Variants in PROSER2 observed in about 807,000 individuals in gnomAD.
PROSER2 encodes proline and serine rich 2.
A neutral mutation model predicts 14.6 loss-of-function variants in PROSER2; 18 were observed. The ratio of observed to expected loss-of-function variants is 1.23; its 90% CI spans 0.85 to 1.83. PROSER2 has a LOEUF of 1.83. PROSER2 is among the 40% of genes most tolerant of loss of function. The probability of loss-of-function intolerance (pLI) is 0.00; values close to 1 mark genes in which losing one functional copy is unlikely to be tolerated. For synonymous variants in PROSER2, 367 were observed against 286.4 expected (o/e 1.28, Z -2.84); for missense variants, 823 against 629.8 (o/e 1.31, Z -3.28).
intron 1 of PROSER2, among the ~76,000 whole-genome samples, chr10:11,840,011 G>A (rs1381109539): frequency 1.3e-5 from 2 of 150,424 alleles, no homozygotes; most frequent in Admixed American, 1.3e-4. Context: ...GAGTGCAGTG[G>A]CCATGATCTC....
chr10:11,852,084 G>A lies in PROSER2; in HGVS notation c.7G>A (p.Val3Ile), dbSNP rs773633360. The change falls in exon 2 of 4, where the codon GTA (valine) becomes ATA (isoleucine). Residue 3 changes from valine to isoleucine, a missense_variant. Physicochemically the swap from Val to Ile is conservative, Grantham distance 29. Coordinates refer to ENST00000277570, the MANE Select transcript of PROSER2 (RefSeq NM_153256.4). MP[V>I]THRKSDASDM... ...CCCTGAGGACTCTGTGGAGATGCCT[G>A]TAACCCACCGGAAATCAGACGCATC... The A allele has an allele frequency of 1.2e-6, 2 of 1,611,186 alleles. No homozygotes were observed. The highest frequency in any genetic ancestry group is 1.7e-6 in the Non-Finnish European group (2 of 1,178,630).
At chr10:11,834,763 C>T (rs1174373145) in intron 1 of PROSER2, among the ~76,000 whole-genome samples, 1 of 151,830 alleles carries the variant, frequency 6.6e-6, no homozygotes, top group Non-Finnish European at 1.5e-5. Flanking sequence ...AACTCGGCCA[C>T]CTTGCCTGGC....
chr10:11,870,051 G>A lies in PROSER2; in HGVS notation c.953G>A (p.Arg318His). The A allele has an allele frequency of 8.1e-7, 1 of 1,236,908 alleles. No homozygotes were observed. The highest frequency in any genetic ancestry group is 1.0e-6 in the Non-Finnish European group (1 of 990,692). The allele number at this position is 1,236,908 out of a possible 1,614,324, so 76.6% of individuals were successfully genotyped here. Reference protein sequence around the residue: ...GGGSSPERVARGRGLPGPAES... With the variant: ...GGGSSPERVAHGRGLPGPAES... ...GGCTCCTCCCCGGAGCGGGTGGCGC[G>A]TGGCCGGGGCCTGCCGGGCCCCGCT... The change falls in exon 4 of 4, where the codon CGT becomes CAT. Residue 318 changes from arginine (R) to histidine (H), a missense_variant. Coordinates refer to ENST00000277570, the MANE Select transcript of PROSER2 (RefSeq NM_153256.4).
Position 11,862,158 on chromosome 10 carries a change from T to A in PROSER2, c.139-4373T>A, listed in dbSNP as rs946407419. On this transcript the variant is annotated intron_variant, in intron 2 of 3. Transcript: ENST00000277570. This position sits in a 1 kb window ranked among gnomAD's most constrained non-coding sequence, Gnocchi z 4.2. ...CCACACATCTAAATAAATGAAGCCATGAGCCATATTCATGGGTCAAGAAAA... is the reference window on the plus strand; with the variant it reads ...CCACACATCTAAATAAATGAAGCCAAGAGCCATATTCATGGGTCAAGAAAA... 4.6e-5 allele frequency among the ~76,000 whole-genome samples: 7 copies of A among 152,190 alleles called. No individual in the cohort carries two copies. Among genetic ancestry groups the A allele is most frequent in the Admixed American group, 3.9e-4 (6 of 15,280 alleles).
chr10:11,835,583 A>G (rs963753379), intron 1 of PROSER2, among the ~76,000 whole-genome samples: 4 of 152,234 alleles, frequency 2.6e-5, no homozygotes, highest in African/African-American at 9.6e-5. Flanking sequence ...AAACTCTACA[A>G]GAGTCTTGAC....
rs1354576616 is a variant in PROSER2, at chr10:11,838,112, G to T, written c.-81-13885G>T. On this transcript the variant is annotated intron_variant, in intron 1 of 3. Transcript: ENST00000277570. The surrounding 1 kb of genome is among the most constrained non-coding windows in gnomAD (Gnocchi z 4.4). Reference sequence around the variant, plus strand: ...CAGGAAACCTTTCCTTTCTGTGTTGGTAGCAGCCAGACTCAGGTGCCCTCC... The same window carrying T: ...CAGGAAACCTTTCCTTTCTGTGTTGTTAGCAGCCAGACTCAGGTGCCCTCC... Among the ~76,000 whole-genome samples, 18 of 151,970 alleles carry T rather than the reference G, an allele frequency of 1.2e-4. No homozygotes were observed. The highest frequency in any genetic ancestry group is 1.2e-3 in the Admixed American group (18 of 15,234).
At chr10:11,828,775 C>T (rs556397346) in intron 1 of PROSER2, among the ~76,000 whole-genome samples, 40 of 152,258 alleles carry the variant, frequency 2.6e-4, no homozygotes, top group African/African-American at 8.9e-4. Context: ...GTTCCTAACA[C>T]GCTGGGAATA....
chr10:11,848,473 A>C (rs1365356853), intron 1 of PROSER2, among the ~76,000 whole-genome samples: 1 of 151,772 alleles, frequency 6.6e-6, no homozygotes, highest in African/African-American at 2.4e-5. Context: ...CTGGCCCCCC[A>C]CTCTGTTCTT....
intron 1 of PROSER2, among the ~76,000 whole-genome samples, chr10:11,840,676 C>T (rs1457770361): frequency 1.3e-5 from 2 of 151,850 alleles, no homozygotes; most frequent in Non-Finnish European, 2.9e-5. Context: ...CCTTGGCCAG[C>T]ACTTTGGGAG....
At chr10:11,859,641 A>G (rs965082704) in intron 2 of PROSER2, among the ~76,000 whole-genome samples, 3 of 152,172 alleles carry the variant, frequency 2.0e-5, no homozygotes, top group Admixed American at 2.0e-4. Context: ...CCAGCCCTGC[A>G]GGAGCCTCCA....
chr10:11,864,613 G>C (rs1448774369), intron 2 of PROSER2, among the ~76,000 whole-genome samples: 1 of 141,908 alleles, frequency 7.0e-6, no homozygotes, highest in Non-Finnish European at 1.5e-5. Context: ...TTTTGAGACA[G>C]AGTCTTGCTC....
At position 11,830,408 on chromosome 10, in the gene PROSER2, A is replaced by T. The variant is rs180974002; in HGVS notation, c.-82+6938A>T. Among the ~76,000 whole-genome samples the T allele has an allele frequency of 3.2e-3, 486 of 152,146 alleles. No homozygotes were observed. Among genetic ancestry groups the T allele is most frequent in the Middle Eastern group, 6.8e-3 (2 of 294 alleles). ...GTCGTCCGTGGTGTTTATATACCAC[A>T]TTTTCTTTATCCTGTCGTCTGTCGA... is the stretch of plus-strand genomic sequence containing the variant. On this transcript the variant is annotated intron_variant, in intron 1 of 3. Coordinates refer to ENST00000277570, the MANE Select transcript of PROSER2 (RefSeq NM_153256.4). This position sits in a 1 kb window ranked among gnomAD's most constrained non-coding sequence, Gnocchi z 4.5.
At chr10:11,859,107 A>G (rs1053374992) in intron 2 of PROSER2, among the ~76,000 whole-genome samples, 12 of 151,516 alleles carry the variant, frequency 7.9e-5, no homozygotes, top group Non-Finnish European at 1.6e-4. Context: ...TTTACTCCAC[A>G]ATCCAAACTG....
At chr10:11,828,261 C>T (rs1488323827) in intron 1 of PROSER2, among the ~76,000 whole-genome samples, 2 of 147,438 alleles carry the variant, frequency 1.4e-5, no homozygotes, top group Non-Finnish European at 3.0e-5. Flanking sequence ...TATTTCAAAC[C>T]ATTTAGTTTG....
chr10:11,868,509 T>G lies in PROSER2; in HGVS notation c.392-981T>G, dbSNP rs138116175. On this transcript the variant is annotated intron_variant, in intron 3 of 3. Transcript: ENST00000277570. ...CTGGTCTCGAACTCTTGGGCTCAAG[T>G]GATCCTCCCACCTCAGCTTCCCAGA... Among the ~76,000 whole-genome samples, 796 of 152,300 alleles carry G rather than the reference T, an allele frequency of 5.2e-3. 4 individuals are homozygous for G. The highest frequency in any genetic ancestry group is 6.8e-3 in the Middle Eastern group (2 of 294).
At position 11,833,235 on chromosome 10, in the gene PROSER2, C is replaced by CTTTTTTTTTTTT. The variant is rs5783233; in HGVS notation, c.-82+9775_-82+9786dup. On this transcript the variant is annotated intron_variant, in intron 1 of 3. Transcript: ENST00000277570. The stretch of plus-strand genomic sequence containing the variant: ...ACAAGTATTATACAAAATGTTGTGG[C>CTTTTTTTTTTTT]TTTTTTTTTTTTTTTTTTTTTAGTT... Among the ~76,000 whole-genome samples the CTTTTTTTTTTTT allele has an allele frequency of 3.0e-4, 26 of 87,664 alleles. 1 individual carries two copies. Among genetic ancestry groups the CTTTTTTTTTTTT allele is most frequent in the African/African-American group, 9.1e-4 (19 of 20,940 alleles). 57.5% of individuals were successfully genotyped at this position (87,664 alleles called of 152,430 possible). A position where few individuals can be genotyped will look rare whatever the true frequency, so the allele number is the denominator to read the frequency against.
chr10:11,859,008 C>CAAAAAAA lies in PROSER2; in HGVS notation c.138+6811_138+6817dup, dbSNP rs750181845. The stretch of plus-strand genomic sequence containing the variant: ...TGGGCAACAAAGCGAGACTCTGTCT[C>CAAAAAAA]AAAAAAAAAAAAAAAAAAAAAAAAG... On this transcript the variant is annotated intron_variant, in intron 2 of 3. Coordinates refer to ENST00000277570, the MANE Select transcript of PROSER2 (RefSeq NM_153256.4). 1.0e-3 allele frequency among the ~76,000 whole-genome samples: 61 copies of CAAAAAAA among 61,056 alleles called. 1 individual carries two copies. Among genetic ancestry groups the CAAAAAAA allele is most frequent in the Non-Finnish European group, 1.5e-3 (46 of 31,010 alleles). 40.1% of individuals were successfully genotyped at this position (61,056 alleles called of 152,430 possible). A position where few individuals can be genotyped will look rare whatever the true frequency, so the allele number is the denominator to read the frequency against.
intron 1 of PROSER2, among the ~76,000 whole-genome samples, chr10:11,834,971 G>C (rs1833740092): frequency 6.6e-6 from 1 of 152,024 alleles, no homozygotes; most frequent in Non-Finnish European, 1.5e-5. Flanking sequence ...GCCAGGCATG[G>C]TGGCAGGTGC....
At chr10:11,867,180 G>C (rs966084684) in intron 3 of PROSER2, among the ~76,000 whole-genome samples, 18 of 149,992 alleles carry the variant, frequency 1.2e-4, no homozygotes, top group African/African-American at 4.4e-4. Context: ...CAGGAGAATG[G>C]CGTGAACCCG....
Sources: gnomAD v4.1 joint callset for allele counts (sites outside exome capture counted in the v4.1 genomes callset) on GRCh38, gnomAD v4.1.1 for gene constraint, Gnocchi (gnomAD v3.1) non-coding constraint, MANE v1.5 for transcripts, NCBI Gene and HGNC (gene_info 2026-07-23, HGNC 2026-07-21) for gene names.